The following COQ5 variants were observed in gnomAD, a reference collection of about 807,000 sequenced individuals.
COQ5 encodes the protein coenzyme Q5, methyltransferase, also known as 2-methoxy-6-polyprenyl-1,4-benzoquinol methylase, mitochondrial.
Under a neutral mutation model 40.5 loss-of-function variants are expected in COQ5, and 27 were observed. The ratio of observed to expected loss-of-function variants is 0.67; its 90% CI spans 0.49 to 0.92. COQ5 has a LOEUF of 0.92. Among genes scored for constraint, COQ5 ranks in the 40% least tolerant of loss-of-function variants. The pLI is 0.00. For missense variants in COQ5, 409 were observed against 406.4 expected, an observed-to-expected ratio of 1.01 and a Z score of -0.06; for synonymous variants, 141 against 150.0, an observed-to-expected ratio of 0.94 and a Z score of 0.44.
chr12:120,512,127 G>A (rs1338255699), intron 3 of COQ5, among the ~76,000 whole-genome samples: 1 of 151,840 alleles, frequency 6.6e-6, no homozygotes, highest in Non-Finnish European at 1.5e-5. Flanking sequence ...GGAGAATGGT[G>A]TGAACCTGGG....
At chr12:120,520,190 C>G (rs1205057160) in intron 2 of COQ5, among the ~76,000 whole-genome samples, 1 of 151,854 alleles carries the variant, frequency 6.6e-6, no homozygotes, top group African/African-American at 2.4e-5. Flanking sequence ...GCAGCCCAGG[C>G]TGGAGAGCAA....
Position 120,503,963 on chromosome 12 carries a change from T to G in COQ5, c.882+7A>C, listed in dbSNP as rs1275026740. 1 of 1,607,412 alleles carries G rather than the reference T, an allele frequency of 6.2e-7. No individual in the cohort carries two copies. Among genetic ancestry groups the G allele is most frequent in the South Asian group, 1.1e-5 (1 of 90,960 alleles). On this transcript the variant is annotated splice_region_variant and intron_variant, in intron 6 of 6. Transcript: ENST00000288532. ...GGCCTTTGTTTAAAGCTATAGAAGT[T>G]TCATACCTGAGACGGAAACCTTCGG... is the stretch of plus-strand genomic sequence containing the variant.
At chr12:120,526,284 G>C (rs1325691362) in intron 1 of COQ5, among the ~76,000 whole-genome samples, 1 of 152,196 alleles carries the variant, frequency 6.6e-6, no homozygotes, top group Non-Finnish European at 1.5e-5. Context: ...CTGGATAAAT[G>C]AAAGAGGGAA....
chr12:120,522,878 C>T (rs1164601070), intron 1 of COQ5: 2 of 722,634 alleles, frequency 2.8e-6, no homozygotes, highest in Admixed American at 2.0e-5. Flanking sequence ...CGGGCTTAAC[C>T]TCCTTGGGCT....
At chr12:120,505,116 T>C (rs530417371) in intron 4 of COQ5, 133 bp from the exon 5 acceptor site, 2 of 736,510 alleles carry the variant, frequency 2.7e-6, no homozygotes, top group South Asian at 3.0e-5. Flanking sequence ...TTGTTCTCAC[T>C]TGGGAAGCTG....
intron 3 of COQ5, among the ~76,000 whole-genome samples, chr12:120,513,296 G>C (rs1395273623): frequency 1.3e-5 from 2 of 150,038 alleles, no homozygotes; most frequent in Non-Finnish European, 3.0e-5. Context: ...AAGGTCAGGA[G>C]ATCGAGACCA....
chr12:120,513,936 GAT>G (rs1186393443), intron 3 of COQ5, among the ~76,000 whole-genome samples: 1 of 152,178 alleles, frequency 6.6e-6, no homozygotes, highest in Non-Finnish European at 1.5e-5. Context: ...AAGGAGGAAA[GAT>G]AAATCTGTAC....
intron 1 of COQ5, chr12:120,523,349 AT>A: frequency 3.0e-6 from 1 of 330,056 alleles, no homozygotes; most frequent in Non-Finnish European, 5.8e-6. Flanking sequence ...AGAAAAAAAA[AT>A]AGGATTCATA....
chr12:120,515,546 A>G (rs1300991289), intron 3 of COQ5, among the ~76,000 whole-genome samples: 3 of 152,228 alleles, frequency 2.0e-5, no homozygotes, highest in Admixed American at 6.6e-5. Flanking sequence ...TGAGTGTATC[A>G]GATGGGTCCT....
chr12:120,520,721 G>A (rs963221370), intron 2 of COQ5, among the ~76,000 whole-genome samples: 1 of 151,966 alleles, frequency 6.6e-6, no homozygotes, highest in Non-Finnish European at 1.5e-5. Context: ...TCCTCCCAAA[G>A]TGCTACGATT....
intron 2 of COQ5, among the ~76,000 whole-genome samples, chr12:120,521,855 GGC>G (rs1450393288): frequency 6.6e-6 from 1 of 151,838 alleles, no homozygotes; most frequent in Non-Finnish European, 1.5e-5. Context: ...ATATTAGCTG[GGC>G]ATGGTGGAGT....
chr12:120,521,453 G>A (rs1869648048), intron 2 of COQ5, among the ~76,000 whole-genome samples: 1 of 151,178 alleles, frequency 6.6e-6, no homozygotes, highest in African/African-American at 2.4e-5. Flanking sequence ...CGAGGCGGGT[G>A]TATCATGAGG....
chr12:120,513,500 T>C (rs956542153), intron 3 of COQ5, among the ~76,000 whole-genome samples: 1 of 135,756 alleles, frequency 7.4e-6, no homozygotes, highest in African/African-American at 2.7e-5. Context: ...AGACTCCGTC[T>C]CAAAAAAAAA....
intron 4 of COQ5, among the ~76,000 whole-genome samples, chr12:120,505,270 C>T (rs757325271): frequency 6.6e-6 from 1 of 152,200 alleles, no homozygotes; most frequent in Non-Finnish European, 1.5e-5. Flanking sequence ...CTTTCAAAAT[C>T]ACAATGGATA....
intron 4 of COQ5, 172 bp downstream of exon 4, chr12:120,509,845 G>A (rs1869047649): frequency 6.3e-6 from 4 of 634,986 alleles, no homozygotes; most frequent in Non-Finnish European, 1.2e-5. Flanking sequence ...CAGCTACTTG[G>A]GAGGCAGATG....
chr12:120,516,665 T>C lies in COQ5; in HGVS notation c.476A>G (p.Glu159Gly). The part of the protein sequence containing the change: ...EEIAKEYQNE[E>G]DSLGGSRVVV... ...GACACGAGACCCGCCCAAGGAATCT[T>C]CTTCATTCTGGTACTCTTTGGCAAT... is the stretch of plus-strand genomic sequence containing the variant. Residue 159 changes from glutamate (E) to glycine (G), a missense_variant, in exon 3 of 7, where the codon GAA becomes GGA. Glu to Gly is a moderately conservative substitution (Grantham distance 98). Coordinates refer to ENST00000288532, the MANE Select transcript of COQ5 (RefSeq NM_032314.4). The C allele has an allele frequency of 6.2e-7, 1 of 1,614,170 alleles. No homozygotes were observed. The highest frequency in any genetic ancestry group is 8.5e-7 in the Non-Finnish European group (1 of 1,180,010).
chr12:120,528,880 C>G lies in COQ5; in HGVS notation c.202+60G>C, dbSNP rs1870088326. 20 of 1,476,524 alleles carry G rather than the reference C, an allele frequency of 1.4e-5. No individual in the cohort carries two copies. The South Asian group carries it at 2.3e-4, about 17-fold the overall frequency. 91.5% of individuals were successfully genotyped at this position (1,476,524 alleles called of 1,614,324 possible). A position where few individuals can be genotyped will look rare whatever the true frequency, so the allele number is the denominator to read the frequency against. On this transcript the variant is annotated intron_variant, in intron 1 of 6. Transcript: ENST00000288532. ...GGATGTTAAATCAACCCTAACTGGCCAGAAGAAACCAGACCATGGACGGTC... is the reference window on the plus strand; with the variant it reads ...GGATGTTAAATCAACCCTAACTGGCGAGAAGAAACCAGACCATGGACGGTC...
rs773307392 is a variant in COQ5 at position 120,503,813 on chromosome 12, C to T, written c.955G>A (p.Val319Met). 6.2e-7 allele frequency: 1 copy of T among 1,614,114 alleles called. No homozygotes were observed. The highest frequency in any genetic ancestry group is 8.5e-7 in the Non-Finnish European group (1 of 1,179,960). The change falls in exon 7 of 7, where the codon GTG (valine) becomes ATG (methionine). Residue 319 changes from valine to methionine, a missense_variant. Val to Met is a conservative substitution (Grantham distance 21, BLOSUM62 1). Transcript: ENST00000288532. The stretch of plus-strand genomic sequence containing the variant: ...AGTTTGAAGCCAGAATGAATGGCCA[C>T]AATGCCTGATGTTAGACTTTCGTAA... ...VTYESLTSGIVAIHSGFKL is the reference protein window; with the variant it reads ...VTYESLTSGIMAIHSGFKL
At chr12:120,505,857 ATTTG>A (rs1194837608) in intron 4 of COQ5, among the ~76,000 whole-genome samples, 1 of 132,096 alleles carries the variant, frequency 7.6e-6, no homozygotes, top group Admixed American at 7.6e-5. Flanking sequence ...CACCCAGCCT[ATTTG>A]TTTGTTTTTT....
Sources: allele counts gnomAD v4.1 joint callset (sites outside exome capture counted in the v4.1 genomes callset), GRCh38; gene constraint gnomAD v4.1.1; transcripts MANE v1.5; gene names NCBI Gene and HGNC (gene_info 2026-07-23, HGNC 2026-07-21).